CACNA1E: variants seen among roughly 807,000 people sequenced by gnomAD.
CACNA1E encodes voltage-dependent R-type calcium channel subunit alpha-1E.
CACNA1E carries 40 observed loss-of-function variants against 259.2 expected under a neutral mutation model. The observed-to-expected ratio is 0.15, with a 90% CI of 0.12 to 0.20. CACNA1E has a LOEUF of 0.20. Ranked by LOEUF, CACNA1E falls within the 10% of genes least tolerant of loss-of-function variation. CACNA1E has a pLI of 1.00. For synonymous variants in CACNA1E, 1,104 were observed against 1,138.5 expected (o/e 0.97, Z 0.61); for missense variants, 1,874 against 3,040.1 (o/e 0.62, Z 9.02).
chr1:181,602,341 G>A (rs1653825443), intron 6 of CACNA1E, among the ~76,000 whole-genome samples: 1 of 152,190 alleles, frequency 6.6e-6, no homozygotes, highest in Non-Finnish European at 1.5e-5. Flanking sequence ...GGGACAAGAA[G>A]TGTTTCAGAT....
chr1:181,709,406 T>C (rs1450432623), intron 7 of CACNA1E, among the ~76,000 whole-genome samples: 1 of 152,200 alleles, frequency 6.6e-6, no homozygotes, highest in Non-Finnish European at 1.5e-5. Flanking sequence ...TTCTGCCTGA[T>C]TGTAAGCAGG....
intron 3 of CACNA1E, among the ~76,000 whole-genome samples, chr1:181,518,831 T>C (rs1666784586): frequency 6.6e-6 from 1 of 152,178 alleles, no homozygotes; most frequent in Non-Finnish European, 1.5e-5. Context: ...CCCCACCCAT[T>C]GACAGAAGCT....
chr1:181,599,180 C>A (rs1465133630), intron 6 of CACNA1E, among the ~76,000 whole-genome samples: 2 of 151,898 alleles, frequency 1.3e-5, no homozygotes, highest in East Asian at 3.9e-4. Flanking sequence ...GTGTTCTCAT[C>A]ATTTAGCTCC....
chr1:181,449,676 C>G (rs575156005), intron 2 of CACNA1E, among the ~76,000 whole-genome samples: 2 of 152,178 alleles, frequency 1.3e-5, no homozygotes, highest in African/African-American at 4.8e-5. Flanking sequence ...GAGCAGACAT[C>G]TGGGGCTTCT....
At position 181,732,277 on chromosome 1, in the gene CACNA1E, C is replaced by A. The variant is rs41268478; in HGVS notation, c.2298-107C>A. On this transcript the variant is annotated intron_variant, in intron 19 of 47. Coordinates refer to ENST00000367573, the MANE Select transcript of CACNA1E (RefSeq NM_001205293.3). The surrounding 1 kb of genome is among the most constrained non-coding windows in gnomAD (Gnocchi z 5.5). ...CCTGTCTGCAGGTCCTGGGCACTCC[C>A]ATTTGCCCCCACCATGTGTCCTGCC... is the stretch of plus-strand genomic sequence containing the variant. The A allele has an allele frequency of 9.8e-5, 138 of 1,407,218 alleles. No individual in the cohort carries two copies. Among genetic ancestry groups the A allele is most frequent in the Non-Finnish European group, 1.2e-4 (135 of 1,081,928 alleles). 87.2% of individuals were successfully genotyped at this position (1,407,218 alleles called of 1,614,324 possible).
In CACNA1E at chr1:181,490,389, AAAG is replaced by A. The variant is rs540429845; in HGVS notation, c.266+6380_266+6382del. Among the ~76,000 whole-genome samples, 11 of 152,062 alleles carry A rather than the reference AAAG, an allele frequency of 7.2e-5. No homozygotes were observed. In the East Asian group the frequency reaches 2.1e-3, roughly 29 times the overall value. On this transcript the variant is annotated intron_variant, in intron 1 of 47. Transcript: ENST00000367573. ...ATCCTCTTACTTATTAAAAAAAAAA[AAAG>A]GAGCCTCAAATAGACCCATTTGTAA...
chr1:181,548,277 A>T (rs1462870299), intron 3 of CACNA1E, among the ~76,000 whole-genome samples: 2 of 151,894 alleles, frequency 1.3e-5, no homozygotes, highest in Non-Finnish European at 2.9e-5. Flanking sequence ...GGTGCGTGCC[A>T]CTACCACCCA....
At chr1:181,360,612 G>A (rs2101915580) in intron 1 of CACNA1E, among the ~76,000 whole-genome samples, 1 of 152,222 alleles carries the variant, frequency 6.6e-6, no homozygotes, top group African/African-American at 2.4e-5. Flanking sequence ...CAACAGGTAT[G>A]GGCTTTCTTT....
rs1236931569 is a variant in CACNA1E, at chr1:181,807,052, G to A, written c.*8218G>A. 1.3e-5 allele frequency: 2 copies of A among 151,636 alleles called. No homozygotes were observed. Among genetic ancestry groups the A allele is most frequent in the Non-Finnish European group, 2.9e-5 (2 of 67,974 alleles). The allele number at this position is 151,636 out of a possible 1,614,324, so 9.4% of individuals were successfully genotyped here. On this transcript the variant is annotated 3_prime_UTR_variant, in exon 48 of 48. Transcript: ENST00000367573. The stretch of plus-strand genomic sequence containing the variant: ...TCGTATGTGTTACCCCAGCTATTCA[G>A]GAAGCTAGGGCAGAAGGATTGCTTG...
chr1:181,703,574 C>T (rs1009155632), intron 7 of CACNA1E, among the ~76,000 whole-genome samples: 4 of 152,144 alleles, frequency 2.6e-5, no homozygotes, highest in African/African-American at 9.7e-5. Flanking sequence ...CCTGTGTCTA[C>T]TCAAACAAAT....
chr1:181,489,018 T>G (rs1158000574), intron 1 of CACNA1E, among the ~76,000 whole-genome samples: 1 of 152,214 alleles, frequency 6.6e-6, no homozygotes, highest in East Asian at 1.9e-4. Flanking sequence ...TCAGAACTCT[T>G]GCAAACCCTT....
chr1:181,618,591 G>A (rs1429397143), intron 6 of CACNA1E, among the ~76,000 whole-genome samples: 2 of 152,064 alleles, frequency 1.3e-5, no homozygotes, highest in Non-Finnish European at 2.9e-5. Flanking sequence ...GAAACCATCT[G>A]GTTGAGTCCT....
intron 1 of CACNA1E, among the ~76,000 whole-genome samples, chr1:181,324,699 G>A (rs1485391182): frequency 6.6e-6 from 1 of 152,140 alleles, no homozygotes; most frequent in Non-Finnish European, 1.5e-5. Flanking sequence ...TCCTTCCACT[G>A]TTGCCACTAC....
intron 22 of CACNA1E, among the ~76,000 whole-genome samples, chr1:181,737,145 T>C (rs995399882): frequency 6.6e-6 from 1 of 152,230 alleles, no homozygotes; most frequent in East Asian, 1.9e-4. Flanking sequence ...TCTCTTTTTA[T>C]GTTTTTTGGT....
At chr1:181,483,501 C>CA (rs1663482092), upstream of CACNA1E, 2 of 210,820 alleles carry the variant, frequency 9.5e-6, no homozygotes, top group Non-Finnish European at 1.8e-5. Context: ...TTTCTTTTTT[C>CA]TTTTTTTTTT....
At position 181,394,890 on chromosome 1, in the gene CACNA1E, G is replaced by A. The variant is rs114137757; in HGVS notation, c.-14-18243G>A. Among the ~76,000 whole-genome samples the A allele has an allele frequency of 1.3e-3, 194 of 152,294 alleles. 1 individual carries two copies. The highest frequency in any genetic ancestry group is 4.5e-3 in the African/African-American group (187 of 41,558). On this transcript the variant is annotated intron_variant, in intron 1 of 11. Coordinates refer to the CACNA1E transcript ENST00000524607. Reference sequence around the variant, plus strand: ...AGGAAAGAGAGACTAGAAGGAGGTAGAGTCTGGGAAGTAACAGGAAGCCAG... The same window carrying A: ...AGGAAAGAGAGACTAGAAGGAGGTAAAGTCTGGGAAGTAACAGGAAGCCAG...
chr1:181,787,386 A>G (rs1196033573), intron 43 of CACNA1E, among the ~76,000 whole-genome samples: 1 of 152,124 alleles, frequency 6.6e-6, no homozygotes, highest in Non-Finnish European at 1.5e-5. Flanking sequence ...CTGGGATTAC[A>G]GGCTTGAGTT....
At chr1:181,623,950 G>GA (rs1655956995) in intron 6 of CACNA1E, among the ~76,000 whole-genome samples, 1 of 152,146 alleles carries the variant, frequency 6.6e-6, no homozygotes, top group African/African-American at 2.4e-5. Context: ...ATTTTATAAA[G>GA]AAAAGCTTTT....
intron 8 of CACNA1E, among the ~76,000 whole-genome samples, chr1:181,711,777 A>C (rs1653390393): frequency 6.6e-6 from 1 of 152,080 alleles, no homozygotes; most frequent in African/African-American, 2.4e-5. Flanking sequence ...AAGGAGCAGA[A>C]GGGGGAAGGA....
Sources: allele counts gnomAD v4.1 joint callset (sites outside exome capture counted in the v4.1 genomes callset), GRCh38; gene constraint gnomAD v4.1.1; non-coding constraint Gnocchi (gnomAD v3.1); transcripts MANE v1.5; gene names NCBI Gene and HGNC (gene_info 2026-07-23, HGNC 2026-07-21).